CCDC149: variants seen among roughly 807,000 people sequenced by gnomAD.
The protein encoded by CCDC149 is coiled-coil domain-containing protein 149.
CCDC149 carries 45 observed loss-of-function variants against 59.9 expected under a neutral mutation model. The observed-to-expected ratio is 0.75, with a 90% CI of 0.59 to 0.96. The LOEUF is 0.96. CCDC149 is among the 40% of genes least tolerant of loss of function. The pLI is 0.00. For missense variants in CCDC149, 584 were observed against 664.7 expected (o/e 0.88, Z 1.33); for synonymous variants, 245 against 260.6 (o/e 0.94, Z 0.58).
intron 5 of CCDC149, 59 bp downstream of exon 5, chr4:24,838,092 CTTGTT>C: frequency 7.8e-7 from 1 of 1,281,438 alleles, no homozygotes; most frequent in African/African-American, 1.5e-5. Flanking sequence ...ACAGTCCACT[CTTGTT>C]TGTGTTGTGT....
At chr4:24,813,385 T>C (rs1577373898) in intron 12 of CCDC149, among the ~76,000 whole-genome samples, 1 of 151,442 alleles carries the variant, frequency 6.6e-6, no homozygotes, top group African/African-American at 2.4e-5. Flanking sequence ...AAATGTTCCT[T>C]GCATCTGCCC....
chr4:24,936,493 G>A (rs1333583356), intron 1 of CCDC149, among the ~76,000 whole-genome samples: 1 of 152,102 alleles, frequency 6.6e-6, no homozygotes, highest in African/African-American at 2.4e-5. Context: ...TGTATATATA[G>A]TATCATGATC....
intron 1 of CCDC149, among the ~76,000 whole-genome samples, chr4:24,941,586 C>CA (rs1239574624): frequency 3.3e-5 from 5 of 152,080 alleles, no homozygotes; most frequent in East Asian, 1.9e-4. Flanking sequence ...AAAAACCCTT[C>CA]AAAAAATCAA....
chr4:24,938,809 T>G (rs1183433651), intron 1 of CCDC149, among the ~76,000 whole-genome samples: 1 of 152,148 alleles, frequency 6.6e-6, no homozygotes, highest in Non-Finnish European at 1.5e-5. Flanking sequence ...AGCACAGCAG[T>G]CTGAGATCAA....
At chr4:24,906,928 G>A (rs757697586) in intron 1 of CCDC149, among the ~76,000 whole-genome samples, 9 of 152,114 alleles carry the variant, frequency 5.9e-5, no homozygotes. Context: ...AGGAGAGTGT[G>A]GGTAGACAAA....
At chr4:24,856,030 A>G (rs979302661) in intron 3 of CCDC149, among the ~76,000 whole-genome samples, 1 of 152,222 alleles carries the variant, frequency 6.6e-6, no homozygotes, top group Non-Finnish European at 1.5e-5. Context: ...TAATGAACAA[A>G]GAATGCCTAC....
intron 1 of CCDC149, among the ~76,000 whole-genome samples, chr4:24,889,387 G>T (rs369488539): frequency 6.6e-6 from 1 of 152,322 alleles, no homozygotes; most frequent in East Asian, 1.9e-4. Flanking sequence ...TACCTAGAGT[G>T]AATTTGCTCT....
At chr4:24,965,779 A>C (rs2110457) in intron 1 of CCDC149, among the ~76,000 whole-genome samples, 26,802 of 152,224 alleles carry the variant, frequency 0.18, 3,164 homozygotes, top group African/African-American at 0.32. Context: ...TACCTCCCTG[A>C]AAAGCTGCGC....
chr4:24,964,378 G>C (rs577403543), intron 1 of CCDC149, among the ~76,000 whole-genome samples: 41 of 152,052 alleles, frequency 2.7e-4, no homozygotes, highest in Non-Finnish European at 1.5e-4. Flanking sequence ...AAAATGAACA[G>C]AACCAACTGT....
chr4:24,805,861 C>A (rs1050782740), downstream of CCDC149, among the ~76,000 whole-genome samples: 1 of 152,216 alleles, frequency 6.6e-6, no homozygotes, highest in African/African-American at 2.4e-5. Context: ...CATGAGAAAG[C>A]AGCTGACACA....
At chr4:24,963,489 C>A (rs1202981494) in intron 1 of CCDC149, among the ~76,000 whole-genome samples, 1 of 152,178 alleles carries the variant, frequency 6.6e-6, no homozygotes, top group African/African-American at 2.4e-5. Flanking sequence ...TGAGCCTCCA[C>A]CCTCACCCAA....
At chr4:24,817,250 G>T (rs1715076871) in intron 12 of CCDC149, among the ~76,000 whole-genome samples, 1 of 152,110 alleles carries the variant, frequency 6.6e-6, no homozygotes, top group Non-Finnish European at 1.5e-5. Flanking sequence ...TTGGATCCTG[G>T]CATGGCAAAA....
intron 1 of CCDC149, among the ~76,000 whole-genome samples, chr4:24,933,196 G>A (rs1722645127): frequency 6.6e-6 from 1 of 152,156 alleles, no homozygotes; most frequent in East Asian, 1.9e-4. Context: ...CTAAAAGTGA[G>A]GACTTGTATG....
chr4:24,946,119 C>A (rs1723103852), intron 1 of CCDC149, among the ~76,000 whole-genome samples: 1 of 152,202 alleles, frequency 6.6e-6, no homozygotes, highest in Non-Finnish European at 1.5e-5. Flanking sequence ...CTTGACCAAT[C>A]ACTCTCTCTT....
At chr4:24,959,675 A>G (rs998620267) in intron 1 of CCDC149, among the ~76,000 whole-genome samples, 4 of 152,230 alleles carry the variant, frequency 2.6e-5, no homozygotes, top group Non-Finnish European at 4.4e-5. Context: ...GTTTTTATAC[A>G]TGTTATGGAC....
chr4:24,842,968 C>T (rs1717033352), intron 4 of CCDC149, among the ~76,000 whole-genome samples: 1 of 152,110 alleles, frequency 6.6e-6, no homozygotes, highest in Non-Finnish European at 1.5e-5. Flanking sequence ...TAGCTATGTG[C>T]CCTTGGCAAG....
chr4:24,940,314 G>A (rs2109347891), intron 1 of CCDC149, among the ~76,000 whole-genome samples: 1 of 152,168 alleles, frequency 6.6e-6, no homozygotes, highest in South Asian at 2.1e-4. Context: ...AAGTGAAGGA[G>A]AAATAAAATA....
At position 24,974,900 on chromosome 4, in the gene CCDC149, G is replaced by T. The variant is rs535974680; in HGVS notation, c.-65+5169C>A. Among the ~76,000 whole-genome samples, 14 of 152,218 alleles carry T rather than the reference G, an allele frequency of 9.2e-5. No individual in the cohort carries two copies. The East Asian group carries it at 2.7e-3, about 29-fold the overall frequency. On this transcript the variant is annotated intron_variant, in intron 1 of 12. Coordinates refer to the CCDC149 transcript ENST00000389609. Reference sequence around the variant, plus strand: ...GTTGAAAGGGGGTTGGGGGAAGGAAGGGGAGGGAAGGGAAATGCTATAGTT... The same window carrying T: ...GTTGAAAGGGGGTTGGGGGAAGGAATGGGAGGGAAGGGAAATGCTATAGTT...
At chr4:24,924,661 C>T (rs1722386466) in intron 1 of CCDC149, among the ~76,000 whole-genome samples, 1 of 152,208 alleles carries the variant, frequency 6.6e-6, no homozygotes, top group African/African-American at 2.4e-5. Flanking sequence ...GTGGATTTTT[C>T]TCATGGCGCC....
Sources: gnomAD v4.1 joint callset for allele counts (sites outside exome capture counted in the v4.1 genomes callset) on GRCh38, gnomAD v4.1.1 for gene constraint, MANE v1.5 for transcripts, NCBI Gene and HGNC (gene_info 2026-07-23, HGNC 2026-07-21) for gene names.